The following PLEKHA8 variants were observed in gnomAD, a reference collection of about 807,000 sequenced individuals.
PLEKHA8 encodes pleckstrin homology domain-containing family A member 8.
In PLEKHA8, 36 loss-of-function variants were observed where a neutral mutation model predicts 68.2. That is an observed-to-expected ratio of 0.53 (90% CI 0.40 to 0.70). The LOEUF is 0.70. Among genes scored for constraint, PLEKHA8 ranks in the 30% least tolerant of loss-of-function variants. The pLI, the probability that PLEKHA8 is intolerant of heterozygous loss-of-function variation, is 0.00. For missense variants in PLEKHA8, 505 were observed against 615.4 expected (o/e 0.82, Z 1.90); for synonymous variants, 211 against 216.1 (o/e 0.98, Z 0.20).
intron 13 of PLEKHA8, among the ~76,000 whole-genome samples, chr7:30,102,345 G>T (rs1386671773): frequency 6.6e-6 from 1 of 152,214 alleles, no homozygotes; most frequent in Non-Finnish European, 1.5e-5. Flanking sequence ...TGGTGCAACT[G>T]CTGTGGAAGC....
chr7:30,117,929 T>A (rs541891251), intron 13 of PLEKHA8: 81 of 1,391,694 alleles, frequency 5.8e-5, no homozygotes, highest in South Asian at 5.1e-4. Context: ...TTTTATTTTT[T>A]AAAAAATTTA....
chr7:30,100,380 GT>G (rs1351098818), intron 13 of PLEKHA8, among the ~76,000 whole-genome samples: 7 of 151,978 alleles, frequency 4.6e-5, no homozygotes, highest in African/African-American at 1.7e-4. Context: ...GTGAAACCCT[GT>G]CTCTACTAAA....
chr7:30,122,970 T>C (rs1306220844), intron 13 of PLEKHA8, among the ~76,000 whole-genome samples: 1 of 152,214 alleles, frequency 6.6e-6, no homozygotes, highest in Non-Finnish European at 1.5e-5. Context: ...AACCCACTCC[T>C]GTCCTTGGGT....
intron 13 of PLEKHA8, chr7:30,116,029 C>CGT (rs1796515516): frequency 1.4e-5 from 2 of 147,544 alleles, no homozygotes; most frequent in Non-Finnish European, 3.0e-5. Flanking sequence ...CATACGTATA[C>CGT]ATACATGTGC....
rs372938611 is a variant in PLEKHA8, at chr7:30,067,222, C to T, written c.1300+4480C>T. Among the ~76,000 whole-genome samples the T allele has an allele frequency of 4.6e-5, 7 of 152,192 alleles. No individual in the cohort carries two copies. The East Asian group carries it at 5.8e-4, about 13-fold the overall frequency. ...CTGCTTTTAAAAATACATGCCAAAG[C>T]GCTTTGGGAGGCCAAGGCAGGCAGA... On this transcript the variant is annotated intron_variant, in intron 12 of 13. Transcript: ENST00000449726.
downstream of PLEKHA8, among the ~76,000 whole-genome samples, chr7:30,091,795 T>C (rs1245990479): frequency 6.6e-6 from 1 of 152,252 alleles, no homozygotes; most frequent in Non-Finnish European, 1.5e-5. Context: ...GATTTCTTTC[T>C]TTGTGCTTCT....
rs1562557932 is a variant in PLEKHA8, at chr7:30,115,810, A to ACATGTATACACGCG, written c.1363-13456_1363-13455insCATGTATACACGCG. 16 of 138,238 alleles carry ACATGTATACACGCG rather than the reference A, an allele frequency of 1.2e-4. 1 individual carries two copies. The highest frequency in any genetic ancestry group is 4.9e-4 in the Admixed American group (7 of 14,168). 8.6% of individuals were successfully genotyped at this position (138,238 alleles called of 1,614,324 possible). Reference sequence around the variant, plus strand: ...TACGTGCACATACATGTATACACGCATGCATGTATACATGCGTGCACATAC... The same window carrying ACATGTATACACGCG: ...TACGTGCACATACATGTATACACGCACATGTATACACGCGTGCATGTATACATGCGTGCACATAC... On this transcript the variant is annotated intron_variant, in intron 13 of 13. Transcript: ENST00000396257.
Position 30,083,393 on chromosome 7 carries a change from G to A in PLEKHA8, c.*4606G>A. 1.0e-6 allele frequency: 1 copy of A among 983,702 alleles called. No homozygotes were observed. Among genetic ancestry groups the A allele is most frequent in the Non-Finnish European group, 1.2e-6 (1 of 828,460 alleles). 60.9% of individuals were successfully genotyped at this position (983,702 alleles called of 1,614,324 possible). A position where few individuals can be genotyped will look rare whatever the true frequency, so the allele number is the denominator to read the frequency against. ...TTTATCTGTATCACAACGTCATTAGGAGTTCTTTCAACAATTCCATAAATA... is the reference window on the plus strand; with the variant it reads ...TTTATCTGTATCACAACGTCATTAGAAGTTCTTTCAACAATTCCATAAATA... On this transcript the variant is annotated 3_prime_UTR_variant, in exon 14 of 14. Transcript: ENST00000449726.
intron 13 of PLEKHA8, among the ~76,000 whole-genome samples, chr7:30,097,876 C>T (rs1219651185): frequency 2.0e-5 from 3 of 152,334 alleles, no homozygotes; most frequent in African/African-American, 2.4e-5. Context: ...TGAGGAGCTG[C>T]GTTCCTTTGG....
intron 2 of PLEKHA8, 117 bp from the exon 3 acceptor site, chr7:30,046,093 T>G: frequency 2.1e-6 from 2 of 968,886 alleles, no homozygotes; most frequent in Non-Finnish European, 3.0e-6. Context: ...ACTGGCATCC[T>G]CTTTGGGAAG....
chr7:30,109,612 A>AG (rs1554282023), intron 13 of PLEKHA8, among the ~76,000 whole-genome samples: 155 of 104,702 alleles, frequency 1.5e-3, no homozygotes, highest in African/African-American at 4.6e-3. Flanking sequence ...AAAAAAAAAA[A>AG]AGAGAGAGAG....
intron 9 of PLEKHA8, among the ~76,000 whole-genome samples, chr7:30,059,750 G>T (rs1417868387): frequency 4.3e-5 from 6 of 139,680 alleles, no homozygotes; most frequent in African/African-American, 1.6e-4. Context: ...TTTAGTCATT[G>T]TTCTTGCCCA....
chr7:30,030,963 T>C lies in PLEKHA8; in HGVS notation c.40+2161T>C, dbSNP rs1790615922. 2.0e-5 allele frequency among the ~76,000 whole-genome samples: 3 copies of C among 152,354 alleles called. No homozygotes were observed. The South Asian group carries it at 6.2e-4, about 32-fold the overall frequency. On this transcript the variant is annotated intron_variant, in intron 1 of 13. Transcript: ENST00000449726. ...AATACATACAATCCCAATCCAAGTT[T>C]TTGTTCATTCTGAATTTTTCTCCAA...
At position 30,046,239 on chromosome 7, in the gene PLEKHA8, C is replaced by T; in HGVS notation, c.187C>T (p.Leu63=). The T allele has an allele frequency of 6.2e-7, 1 of 1,612,640 alleles. No homozygotes were observed. Among genetic ancestry groups the T allele is most frequent in the Non-Finnish European group, 8.5e-7 (1 of 1,179,200 alleles). The change falls in exon 3 of 14, where the codon CTG becomes TTG. Residue 63 remains leucine, a synonymous_variant. Transcript: ENST00000449726. ...TTCTGTAGATAATACACGCATGGACCTGATAATCCCTGGGGAACAGTATTT... is the reference window on the plus strand; with the variant it reads ...TTCTGTAGATAATACACGCATGGACTTGATAATCCCTGGGGAACAGTATTT... ...VHSVDNTRMD[L]IIPGEQYFYL...
chr7:30,104,429 A>T (rs1202936466), intron 13 of PLEKHA8, among the ~76,000 whole-genome samples: 1 of 152,198 alleles, frequency 6.6e-6, no homozygotes, highest in African/African-American at 2.4e-5. Context: ...TTGTCTCTTC[A>T]CTTTGCTAAG....
intron 13 of PLEKHA8, among the ~76,000 whole-genome samples, chr7:30,124,726 A>G (rs1018089611): frequency 1.9e-4 from 29 of 152,192 alleles, no homozygotes; most frequent in African/African-American, 6.8e-4. Context: ...GAAAAAGTAC[A>G]AAAGGTTTTC....
intron 6 of PLEKHA8, 30 bp downstream of exon 6, chr7:30,050,504 A>G: frequency 6.5e-7 from 1 of 1,533,580 alleles, no homozygotes; most frequent in East Asian, 2.3e-5. Context: ...CTTGCTAAAA[A>G]TTAAAAAAAA....
At chr7:30,102,858 G>T (rs1009325386) in intron 13 of PLEKHA8, among the ~76,000 whole-genome samples, 3 of 152,238 alleles carry the variant, frequency 2.0e-5, no homozygotes, top group Admixed American at 2.0e-4. Flanking sequence ...TTCCAGACCA[G>T]TCAGGGCAAA....
At chr7:30,074,267 T>C in intron 13 of PLEKHA8, 135 bp downstream of exon 13, 1 of 657,252 alleles carries the variant, frequency 1.5e-6, no homozygotes, top group Non-Finnish European at 2.5e-6. Flanking sequence ...TGTGTGTGTG[T>C]GTGTGTATGT....
Sources: allele counts gnomAD v4.1 joint callset (sites outside exome capture counted in the v4.1 genomes callset), GRCh38; gene constraint gnomAD v4.1.1; transcripts MANE v1.5; gene names NCBI Gene and HGNC (gene_info 2026-07-23, HGNC 2026-07-21).